Variants in ATCAY observed in about 807,000 individuals in gnomAD.
ATCAY encodes the protein caytaxin.
ATCAY carries 22 observed loss-of-function variants against 47.7 expected under a neutral mutation model. The ratio of observed to expected loss-of-function variants is 0.46; its 90% CI spans 0.33 to 0.66. ATCAY has a LOEUF of 0.66. Among genes scored for constraint, ATCAY ranks in the 30% least tolerant of loss-of-function variants. The pLI is 0.02. For missense variants in ATCAY, 452 were observed against 515.0 expected, an observed-to-expected ratio of 0.88 and a Z score of 1.18; for synonymous variants, 216 against 207.6, an observed-to-expected ratio of 1.04 and a Z score of -0.35.
At chr19:3,890,514 C>T (rs754017553) in intron 2 of ATCAY, among the ~76,000 whole-genome samples, 2 of 152,084 alleles carry the variant, frequency 1.3e-5, no homozygotes, top group Admixed American at 6.6e-5. Flanking sequence ...CCGCCTACCT[C>T]GGTCTCCCAA....
In ATCAY at chr19:3,884,200, T is replaced by C. The variant is rs1378023542; in HGVS notation, c.-41-1527T>C. On this transcript the variant is annotated intron_variant, in intron 1 of 12. Coordinates refer to ENST00000450849, the MANE Select transcript of ATCAY (RefSeq NM_033064.5). Reference sequence around the variant, plus strand: ...TACTTGGGAGGCTGAGGCAGGAGGATCGCTTGAGCCCAGGAGTTGGAGGCT... The same window carrying C: ...TACTTGGGAGGCTGAGGCAGGAGGACCGCTTGAGCCCAGGAGTTGGAGGCT... 8.5e-5 allele frequency among the ~76,000 whole-genome samples: 13 copies of C among 152,120 alleles called. No individual in the cohort carries two copies. In the East Asian group the frequency reaches 2.5e-3, roughly 29 times the overall value.
intron 2 of ATCAY, among the ~76,000 whole-genome samples, chr19:3,900,455 C>T (rs1376217118): frequency 6.6e-6 from 1 of 152,014 alleles, no homozygotes. Flanking sequence ...TCCCAGATGA[C>T]ATTTAGTTAT....
At chr19:3,888,261 G>T (rs1273967181) in intron 2 of ATCAY, among the ~76,000 whole-genome samples, 1 of 152,066 alleles carries the variant, frequency 6.6e-6, no homozygotes, top group African/African-American at 2.4e-5. Context: ...AATGCCCAAG[G>T]GTCAGTTATA....
Position 3,907,148 on chromosome 19 carries a change from G to GAA in ATCAY, c.359-576_359-575dup, listed in dbSNP as rs11309346. Among the ~76,000 whole-genome samples, 1 of 143,680 alleles carries GAA rather than the reference G, an allele frequency of 7.0e-6. No individual in the cohort carries two copies. Among genetic ancestry groups the GAA allele is most frequent in the South Asian group, 2.2e-4 (1 of 4,540 alleles). 94.3% of individuals were successfully genotyped at this position (143,680 alleles called of 152,430 possible). The stretch of plus-strand genomic sequence containing the variant: ...GACTCTCTCAAAAAAAAAAAAGAAA[G>GAA]AAAAAAAAAAATTAAGGACAATGTA... On this transcript the variant is annotated intron_variant, in intron 4 of 12. Transcript: ENST00000450849. This position sits in a 1 kb window ranked among gnomAD's most constrained non-coding sequence, Gnocchi z 5.1.
Position 3,885,121 on chromosome 19 carries a change from A to C in ATCAY, c.-41-606A>C, listed in dbSNP as rs570150079. ...ATGTTTTTTTTTTTAAAAAAAAAAA[A>C]AAAAAAAAAAAAAACAGCCAAGCTC... is the stretch of plus-strand genomic sequence containing the variant. On this transcript the variant is annotated intron_variant, in intron 1 of 12. Transcript: ENST00000450849. Among the ~76,000 whole-genome samples the C allele has an allele frequency of 1.4e-4, 21 of 148,956 alleles. 1 individual carries two copies. The East Asian group carries it at 1.8e-3, about 13-fold the overall frequency.
At chr19:3,911,385 A>G (rs2038921456) in intron 8 of ATCAY, among the ~76,000 whole-genome samples, 1 of 151,928 alleles carries the variant, frequency 6.6e-6, no homozygotes, top group Admixed American at 6.6e-5. Flanking sequence ...TCAGTCATGC[A>G]TGGCATCACA....
chr19:3,903,335 G>A (rs534604841), intron 3 of ATCAY, among the ~76,000 whole-genome samples: 9 of 152,072 alleles, frequency 5.9e-5, no homozygotes, highest in African/African-American at 1.7e-4. Flanking sequence ...CCCAGATCCC[G>A]GGGATGGGAG....
chr19:3,919,168 C>G (rs901782099), intron 11 of ATCAY, among the ~76,000 whole-genome samples: 2 of 151,586 alleles, frequency 1.3e-5, no homozygotes, highest in South Asian at 4.2e-4. Context: ...ATCCCAGCTA[C>G]TTGGGAGGCC....
At chr19:3,904,425 G>T (rs763918491) in intron 3 of ATCAY, among the ~76,000 whole-genome samples, 7 of 152,186 alleles carry the variant, frequency 4.6e-5, no homozygotes, top group Non-Finnish European at 1.0e-4. Flanking sequence ...TCAGTTGAAG[G>T]TTTTAAGAGA....
In ATCAY at chr19:3,907,007, G is replaced by C. The variant is rs568846478; in HGVS notation, c.359-727G>C. Among the ~76,000 whole-genome samples the C allele has an allele frequency of 6.6e-6, 1 of 151,804 alleles. No individual in the cohort carries two copies. The highest frequency in any genetic ancestry group is 2.1e-4 in the South Asian group (1 of 4,798). On this transcript the variant is annotated intron_variant, in intron 4 of 12. Coordinates refer to ENST00000450849, the MANE Select transcript of ATCAY (RefSeq NM_033064.5). This position sits in a 1 kb window ranked among gnomAD's most constrained non-coding sequence, Gnocchi z 5.1. ...ACAGAAATTAGCCGGGCATGGTGGC[G>C]TGCGTAGTCCCAGCTACTCGGGAGG...
chr19:3,905,361 C>A, intron 3 of ATCAY, 73 bp from the exon 4 acceptor site: 1 of 1,419,434 alleles, frequency 7.0e-7, no homozygotes. Flanking sequence ...ACAGCTTCCA[C>A]CAGGTAGGAA....
chr19:3,920,660 T>C, intron 11 of ATCAY, 106 bp from the exon 12 acceptor site: 1 of 991,418 alleles, frequency 1.0e-6, no homozygotes, highest in South Asian at 2.3e-5. Context: ...TGTATCTTAA[T>C]AATAATAAAT....
intron 1 of ATCAY, 83 bp downstream of exon 1, chr19:3,881,091 C>G (rs1157165790): frequency 2.0e-5 from 3 of 152,200 alleles, no homozygotes; most frequent in Non-Finnish European, 4.4e-5. Context: ...CCTCTAAATC[C>G]CTTTCCAGCA....
At position 3,909,546 on chromosome 19, in the gene ATCAY, C is replaced by G; in HGVS notation, c.708C>G (p.Asn236Lys). The change falls in exon 7 of 13, where the codon AAC becomes AAG. Residue 236 changes from asparagine to lysine, a missense_variant. Asn to Lys is a moderately conservative substitution (Grantham distance 94, BLOSUM62 0). Coordinates refer to ENST00000450849, the MANE Select transcript of ATCAY (RefSeq NM_033064.5). ...VAEDYMIVYL[N>K]GATPRRRMPG... Reference sequence around the variant, plus strand: ...AGGACTACATGATCGTGTACCTGAACGGTGCCACGCCCCGGCGGAGGATGC... The same window carrying G: ...AGGACTACATGATCGTGTACCTGAAGGGTGCCACGCCCCGGCGGAGGATGC... The G allele has an allele frequency of 1.9e-6, 3 of 1,613,794 alleles. No individual in the cohort carries two copies. Among genetic ancestry groups the G allele is most frequent in the Non-Finnish European group, 2.5e-6 (3 of 1,179,840 alleles).
chr19:3,921,172 C>G (rs553328842), intron 12 of ATCAY, among the ~76,000 whole-genome samples: 1 of 152,168 alleles, frequency 6.6e-6, no homozygotes, highest in East Asian at 1.9e-4. Context: ...GGTAGACTGT[C>G]CACGCTCTGC....
chr19:3,914,118 C>T (rs1599144884), intron 9 of ATCAY, among the ~76,000 whole-genome samples: 1 of 151,608 alleles, frequency 6.6e-6, no homozygotes, highest in Non-Finnish European at 1.5e-5. Flanking sequence ...CGCCTGTAGT[C>T]CCAGCTACTC....
At position 3,886,137 on chromosome 19, in the gene ATCAY, C is replaced by G. The variant is rs192006732; in HGVS notation, c.77+293C>G. On this transcript the variant is annotated intron_variant, in intron 2 of 12. Coordinates refer to ENST00000450849, the MANE Select transcript of ATCAY (RefSeq NM_033064.5). ...CAAAGCTCCAAAGGACCCCCCACCC[C>G]TACACCATTTTAAGAGTTCTTAACA... Among the ~76,000 whole-genome samples, 497 of 152,342 alleles carry G rather than the reference C, an allele frequency of 3.3e-3. 4 individuals are homozygous for G. The highest frequency in any genetic ancestry group is 0.012 in the African/African-American group (486 of 41,582).
At chr19:3,920,711 G>T in intron 11 of ATCAY, 55 bp from the exon 12 acceptor site, 1 of 1,490,314 alleles carries the variant, frequency 6.7e-7, no homozygotes, top group South Asian at 1.5e-5. Context: ...AAGGGAAAAT[G>T]CCCAGGCTCC....
At chr19:3,918,948 T>C (rs1350980387) in intron 11 of ATCAY, 71 bp downstream of exon 11, 16 of 1,555,304 alleles carry the variant, frequency 1.0e-5, no homozygotes, top group Non-Finnish European at 1.4e-5. Flanking sequence ...TGGGGGAGGC[T>C]AGAGAGGAAG....
Sources: allele counts gnomAD v4.1 joint callset (sites outside exome capture counted in the v4.1 genomes callset), GRCh38; gene constraint gnomAD v4.1.1; non-coding constraint Gnocchi (gnomAD v3.1); transcripts MANE v1.5; gene names NCBI Gene and HGNC (gene_info 2026-07-23, HGNC 2026-07-21).